CSMD3: variants seen among roughly 807,000 people sequenced by gnomAD.
CSMD3 encodes CUB and Sushi multiple domains 3, also known as CUB and sushi domain-containing protein 3.
In CSMD3, 177 loss-of-function variants were observed where a neutral mutation model predicts 435.2. The observed-to-expected ratio is 0.41, with a 90% CI of 0.36 to 0.46. CSMD3 has a LOEUF of 0.46. Among genes scored for constraint, CSMD3 ranks in the 20% least tolerant of loss-of-function variants. The pLI, the probability that CSMD3 is intolerant of heterozygous loss-of-function variation, is 0.34. For synonymous variants in CSMD3, 1,656 were observed against 1,520.5 expected (o/e 1.09, Z -2.07); for missense variants, 4,265 against 4,504.6 (o/e 0.95, Z 1.52).
intron 13 of CSMD3, among the ~76,000 whole-genome samples, chr8:112,721,156 G>A (rs557123204): frequency 6.6e-6 from 1 of 151,986 alleles, no homozygotes; most frequent in East Asian, 1.9e-4. Flanking sequence ...ATTACAGAAT[G>A]TTTCCTTGAC....
rs114970190 is a variant in CSMD3, at chr8:112,809,232, C to T, written c.1860-8958G>A. 4.7e-3 allele frequency among the ~76,000 whole-genome samples: 717 copies of T among 152,188 alleles called. 4 individuals are homozygous for T. Among genetic ancestry groups the T allele is most frequent in the African/African-American group, 0.017 (691 of 41,524 alleles). ...CAAAACCATAAGGACCTGGAAGGAC[C>T]TGTTGAAAGAAATTTGCCACCCTAT... is the stretch of plus-strand genomic sequence containing the variant. On this transcript the variant is annotated intron_variant, in intron 12 of 70. Transcript: ENST00000297405.
intron 3 of CSMD3, among the ~76,000 whole-genome samples, chr8:113,253,188 A>G (rs2093349242): frequency 6.6e-6 from 1 of 152,010 alleles, no homozygotes; most frequent in Admixed American, 6.6e-5. Context: ...ATCTACAGGG[A>G]TTGGCTGGGG....
At position 112,352,941 on chromosome 8, in the gene CSMD3, T is replaced by A. The variant is rs900148377; in HGVS notation, c.6137-407A>T. ...ACATTCTTAGCAAAAACTTAAAAAT[T>A]ATTTGCTATTTTGTCTTCCTTGCTT... On this transcript the variant is annotated intron_variant, in intron 38 of 70. Coordinates refer to ENST00000297405, the MANE Select transcript of CSMD3 (RefSeq NM_198123.2). Among the ~76,000 whole-genome samples, 6 of 145,470 alleles carry A rather than the reference T, an allele frequency of 4.1e-5. 1 individual carries two copies. The highest frequency in any genetic ancestry group is 9.4e-5 in the Non-Finnish European group (6 of 63,756).
intron 5 of CSMD3, among the ~76,000 whole-genome samples, chr8:113,073,871 C>T (rs1028489006): frequency 6.6e-6 from 1 of 151,790 alleles, no homozygotes; most frequent in African/African-American, 2.4e-5. Context: ...ACAGGCTTTG[C>T]TCTAAAATTT....
chr8:113,419,995 A>C (rs1708841157), intron 1 of CSMD3, among the ~76,000 whole-genome samples: 1 of 152,192 alleles, frequency 6.6e-6, no homozygotes, highest in Admixed American at 6.5e-5. Flanking sequence ...CAAAGAAAGT[A>C]ATTTGAAACT....
At chr8:112,238,721 A>G (rs917447268) in intron 66 of CSMD3, among the ~76,000 whole-genome samples, 1 of 151,756 alleles carries the variant, frequency 6.6e-6, no homozygotes, top group African/African-American at 2.4e-5. Context: ...TAAATTTATA[A>G]TTTAAAAATT....
intron 13 of CSMD3, among the ~76,000 whole-genome samples, chr8:112,701,355 G>A (rs902528420): frequency 6.6e-6 from 1 of 152,194 alleles, no homozygotes; most frequent in East Asian, 1.9e-4. Context: ...AGTGCTATTA[G>A]CCAGTCACCA....
intron 68 of CSMD3, 148 bp downstream of exon 68, chr8:112,234,217 A>G (rs985093237): frequency 1.6e-5 from 9 of 548,322 alleles, no homozygotes; most frequent in Non-Finnish European, 2.8e-5. Context: ...CTAGGCTTGT[A>G]CTTTAGAATA....
intron 22 of CSMD3, among the ~76,000 whole-genome samples, chr8:112,629,974 G>C (rs1178839434): frequency 6.6e-6 from 1 of 152,118 alleles, no homozygotes; most frequent in Non-Finnish European, 1.5e-5. Context: ...AGACCACATG[G>C]TAAGGAACTG....
chr8:113,173,093 G>A (rs1473840200), intron 4 of CSMD3, among the ~76,000 whole-genome samples: 1 of 152,014 alleles, frequency 6.6e-6, no homozygotes, highest in Non-Finnish European at 1.5e-5. Context: ...ATTTCTTAAA[G>A]CAAAACAATT....
intron 5 of CSMD3, among the ~76,000 whole-genome samples, chr8:113,048,328 T>C (rs2087933226): frequency 6.6e-6 from 1 of 151,948 alleles, no homozygotes; most frequent in Non-Finnish European, 1.5e-5. Context: ...CTCCTGACCA[T>C]GTGATCCGCC....
chr8:112,348,547 T>G (rs1286829295), intron 40 of CSMD3, among the ~76,000 whole-genome samples: 3 of 152,070 alleles, frequency 2.0e-5, no homozygotes, highest in African/African-American at 2.4e-5. Context: ...CTCTGTCACA[T>G]GTAGTACCAG....
intron 5 of CSMD3, among the ~76,000 whole-genome samples, chr8:113,080,077 T>C (rs2089495637): frequency 6.6e-6 from 1 of 152,094 alleles, no homozygotes; most frequent in Non-Finnish European, 1.5e-5. Context: ...CAGAGGATTG[T>C]TTGTTTGTTT....
At chr8:112,665,637 A>G (rs2075503188) in intron 17 of CSMD3, among the ~76,000 whole-genome samples, 1 of 152,190 alleles carries the variant, frequency 6.6e-6, no homozygotes, top group Admixed American at 6.6e-5. Flanking sequence ...GAAGTCAATG[A>G]TATAACTGAG....
At chr8:112,682,811 C>G (rs997090810) in intron 15 of CSMD3, among the ~76,000 whole-genome samples, 175 bp from the exon 16 acceptor site, 2 of 151,834 alleles carry the variant, frequency 1.3e-5, no homozygotes, top group African/African-American at 2.4e-5. Flanking sequence ...CTGACCTTAC[C>G]TGTTTGCCTG....
intron 7 of CSMD3, among the ~76,000 whole-genome samples, chr8:112,961,203 C>G (rs1392413674): frequency 6.6e-6 from 1 of 151,642 alleles, no homozygotes; most frequent in Non-Finnish European, 1.5e-5. Flanking sequence ...ATTTGTGATG[C>G]AATATACCAA....
At chr8:112,281,448 G>A in intron 58 of CSMD3, 98 bp from the exon 59 acceptor site, 1 of 982,682 alleles carries the variant, frequency 1.0e-6, no homozygotes, top group Non-Finnish European at 1.6e-6. Context: ...ATTATTCAAA[G>A]AAGCAATAAA....
chr8:113,050,058 G>C (rs1030077484), intron 5 of CSMD3, among the ~76,000 whole-genome samples: 2 of 151,894 alleles, frequency 1.3e-5, no homozygotes, highest in African/African-American at 4.8e-5. Flanking sequence ...AAACATTGTT[G>C]CTTCATTTAG....
chr8:113,215,573 A>C (rs1378838307), intron 3 of CSMD3, among the ~76,000 whole-genome samples: 1 of 151,894 alleles, frequency 6.6e-6, no homozygotes, highest in Non-Finnish European at 1.5e-5. Flanking sequence ...TGGATCATTA[A>C]CTTGTGACTG....
Sources: allele counts gnomAD v4.1 joint callset (sites outside exome capture counted in the v4.1 genomes callset), GRCh38; gene constraint gnomAD v4.1.1; transcripts MANE v1.5; gene names NCBI Gene and HGNC (gene_info 2026-07-23, HGNC 2026-07-21).